Variants in ENOX2 observed in about 807,000 individuals in gnomAD.
The protein encoded by ENOX2 is APK1 antigen.
In ENOX2, 36 loss-of-function variants were observed where a neutral mutation model predicts 45.0. That is an observed-to-expected ratio of 0.80 (90% CI 0.61 to 1.06). ENOX2 has a LOEUF of 1.06. Among genes scored for constraint, ENOX2 ranks in the 50% least tolerant of loss-of-function variants. The pLI is 0.00. For synonymous variants in ENOX2, 174 were observed against 152.3 expected (o/e 1.14, Z -1.05); for missense variants, 423 against 462.5 (o/e 0.91, Z 0.78).
intron 3 of ENOX2, 143 bp downstream of exon 3, chrX:130,783,404 G>A: frequency 4.2e-6 from 1 of 240,529 alleles, no homozygotes; most frequent in Non-Finnish European, 7.6e-6. Flanking sequence ...ATCCCATAAT[G>A]AGTTCCATGA....
In ENOX2 at chrX:130,631,440, C is replaced by T. The variant is rs146590513; in HGVS notation, c.1528+28G>A. On this transcript the variant is annotated intron_variant, in intron 13 of 14. Coordinates refer to ENST00000394363, the MANE Select transcript of ENOX2 (RefSeq NM_006375.4). ...TCCTCCATTGTACCCAGGCATTGTA[C>T]GTGGCATGTGTGCATTAGCTTCCTT... 5,494 of 831,582 alleles carry T rather than the reference C, an allele frequency of 6.6e-3. 33 individuals carry two copies. Among genetic ancestry groups the T allele is most frequent in the African/African-American group, 0.032 (1,613 of 49,830 alleles). The allele number at this position is 831,582 out of a possible 1,213,427, so 68.5% of individuals were successfully genotyped here.
chrX:130,654,985 T>C (rs768468668), intron 10 of ENOX2, among the ~76,000 whole-genome samples: 33 of 112,231 alleles, frequency 2.9e-4, no homozygotes, highest in Non-Finnish European at 1.1e-4. Context: ...TGCTTAAACT[T>C]ATGGCAGCAT....
chrX:130,718,427 C>T (rs764930723), intron 3 of ENOX2, among the ~76,000 whole-genome samples: 2 of 111,201 alleles, frequency 1.8e-5, no homozygotes, highest in Non-Finnish European at 3.8e-5. Context: ...GTAACTTAGG[C>T]GAGTCACTTA....
chrX:130,685,244 G>A (rs1046176511), intron 5 of ENOX2, among the ~76,000 whole-genome samples: 10 of 111,222 alleles, frequency 9.0e-5, no homozygotes, highest in Admixed American at 8.6e-4. Context: ...AGATGGGGAG[G>A]AGAGTAGGAG....
chrX:130,633,149 G>C (rs781474096), intron 12 of ENOX2, among the ~76,000 whole-genome samples: 4 of 111,955 alleles, frequency 3.6e-5, no homozygotes, highest in South Asian at 3.8e-4. Flanking sequence ...AAAGAGCTTA[G>C]TTCTTTCCGC....
intron 3 of ENOX2, among the ~76,000 whole-genome samples, chrX:130,725,537 A>C (rs1168999591): frequency 9.2e-6 from 1 of 109,163 alleles, no homozygotes; most frequent in African/African-American, 3.4e-5. Context: ...CCACCTCAAC[A>C]TGCATGGGCT....
At chrX:130,720,426 T>C (rs1319912652) in intron 3 of ENOX2, among the ~76,000 whole-genome samples, 1 of 112,327 alleles carries the variant, frequency 8.9e-6, no homozygotes, top group African/African-American at 3.2e-5. Context: ...CTTTCCATGA[T>C]GGCAGCACCT....
chrX:130,822,655 A>C lies in ENOX2; in HGVS notation c.-182-38965T>G, dbSNP rs1312761175. Among the ~76,000 whole-genome samples, 4 of 110,830 alleles carry C rather than the reference A, an allele frequency of 3.6e-5. No homozygotes were observed. In the East Asian group the frequency reaches 1.1e-3, roughly 31 times the overall value. On this transcript the variant is annotated intron_variant, in intron 2 of 14. Coordinates refer to ENST00000394363, the MANE Select transcript of ENOX2 (RefSeq NM_006375.4). ...GGTAGGGGGAGGGGGAAGGGATAGC[A>C]TTAGGAGATATACCTAATGCTAAAT...
Position 130,861,157 on chromosome X carries a change from G to C in ENOX2, c.-183+40527C>G, listed in dbSNP as rs1431471852. ...AGGATGTGGAAAAAATGCAACTCTT[G>C]TACACTGTTAGTGAAAATGTATATT... On this transcript the variant is annotated intron_variant, in intron 2 of 14. Coordinates refer to ENST00000394363, the MANE Select transcript of ENOX2 (RefSeq NM_006375.4). 3.6e-5 allele frequency among the ~76,000 whole-genome samples: 4 copies of C among 111,701 alleles called. No homozygotes were observed. In the East Asian group the frequency reaches 1.1e-3, roughly 31 times the overall value.
intron 3 of ENOX2, among the ~76,000 whole-genome samples, chrX:130,781,599 C>A (rs2039968296): frequency 8.9e-6 from 1 of 111,998 alleles, no homozygotes; most frequent in Admixed American, 9.5e-5. Flanking sequence ...CACTTAACAT[C>A]ACTTAACATG....
At chrX:130,820,506 A>C (rs1250965700) in intron 2 of ENOX2, among the ~76,000 whole-genome samples, 1 of 112,539 alleles carries the variant, frequency 8.9e-6, no homozygotes, top group Non-Finnish European at 1.9e-5. Context: ...ACAGGTATCT[A>C]CACTTCCATG....
intron 3 of ENOX2, among the ~76,000 whole-genome samples, chrX:130,715,688 C>A (rs5977357): frequency 0.013 from 1,437 of 110,146 alleles, 25 homozygotes; most frequent in African/African-American, 0.045. Flanking sequence ...AAGAGAAAAA[C>A]AAGTAGGGTT....
intron 2 of ENOX2, among the ~76,000 whole-genome samples, chrX:130,827,367 T>A (rs905164054): frequency 8.9e-6 from 1 of 111,983 alleles, no homozygotes; most frequent in African/African-American, 3.2e-5. Flanking sequence ...TTTGCTAGGT[T>A]GCAATTACTC....
At chrX:130,809,765 G>A (rs1046577433) in intron 2 of ENOX2, among the ~76,000 whole-genome samples, 7 of 110,559 alleles carry the variant, frequency 6.3e-5, no homozygotes, top group Admixed American at 9.6e-5. Context: ...GTGTGTATGT[G>A]TGCATGTGCG....
At chrX:130,632,786 G>T (rs373848106) in intron 12 of ENOX2, among the ~76,000 whole-genome samples, 2 of 111,951 alleles carry the variant, frequency 1.8e-5, no homozygotes, top group East Asian at 5.6e-4. Flanking sequence ...GTAGTCAGAG[G>T]GGAACCCTTT....
intron 10 of ENOX2, among the ~76,000 whole-genome samples, chrX:130,643,087 T>C (rs1603294284): frequency 9.0e-6 from 1 of 111,302 alleles, no homozygotes; most frequent in Non-Finnish European, 1.9e-5. Context: ...TATAAGATAC[T>C]TGCAGTACCC....
chrX:130,830,847 C>T (rs1478970091), intron 2 of ENOX2, among the ~76,000 whole-genome samples: 1 of 111,712 alleles, frequency 9.0e-6, no homozygotes, highest in Non-Finnish European at 1.9e-5. Context: ...CCACTCTTGC[C>T]CATCTTTAAC....
At chrX:130,888,506 T>C (rs755623353) in intron 2 of ENOX2, among the ~76,000 whole-genome samples, 2 of 111,782 alleles carry the variant, frequency 1.8e-5, no homozygotes, top group African/African-American at 6.5e-5. Flanking sequence ...CTGGAGATAA[T>C]AGTACCTATC....
In ENOX2 at chrX:130,670,090, C is replaced by T. The variant is rs769787314; in HGVS notation, c.569G>A (p.Arg190His). Residue 190 changes from arginine to histidine, a missense_variant, in exon 7 of 15, where the codon CGT becomes CAT. By Grantham distance (29) the Arg-to-His change is conservative. Transcript: ENST00000394363. Reference sequence around the variant, plus strand: ...ATGGCGCTCCTCTCTGGCTAGCATACGCTGTTTACACTCCCACTCATACAG... The same window carrying T: ...ATGGCGCTCCTCTCTGGCTAGCATATGCTGTTTACACTCCCACTCATACAG... ...DDLYEWECKQ[R>H]MLAREERHRR... is the part of the protein sequence containing the mutation. 3.0e-5 allele frequency: 36 copies of T among 1,208,201 alleles called. No individual in the cohort carries two copies. Among genetic ancestry groups the T allele is most frequent in the Middle Eastern group, 2.3e-4 (1 of 4,364 alleles).
Sources: gnomAD v4.1 joint callset for allele counts (sites outside exome capture counted in the v4.1 genomes callset) on GRCh38, gnomAD v4.1.1 for gene constraint, MANE v1.5 for transcripts, NCBI Gene and HGNC (gene_info 2026-07-23, HGNC 2026-07-21) for gene names.